The following CLSTN2 variants were observed in gnomAD, a reference collection of about 807,000 sequenced individuals.
CLSTN2 encodes calsyntenin 2.
A neutral mutation model predicts 101.2 loss-of-function variants in CLSTN2; 48 were observed. The observed-to-expected ratio is 0.47, with a 90% CI of 0.38 to 0.60. CLSTN2 has a LOEUF of 0.60. CLSTN2 is among the 20% of genes least tolerant of loss of function. The probability of loss-of-function intolerance (pLI) is 0.00; values close to 1 mark genes in which losing one functional copy is unlikely to be tolerated. For synonymous variants in CLSTN2, 481 were observed against 463.6 expected (o/e 1.04, Z -0.48); for missense variants, 1,160 against 1,238.2 (o/e 0.94, Z 0.95).
intron 1 of CLSTN2, among the ~76,000 whole-genome samples, chr3:140,122,444 T>A (rs2009358334): frequency 6.6e-6 from 1 of 152,224 alleles, no homozygotes; most frequent in East Asian, 1.9e-4. Context: ...TCACGTTAGC[T>A]AAATCATGGA....
At chr3:140,350,109 C>G (rs183493672) in intron 2 of CLSTN2, among the ~76,000 whole-genome samples, 1 of 152,246 alleles carries the variant, frequency 6.6e-6, no homozygotes, top group Admixed American at 6.5e-5. Context: ...CTGGCTTTGA[C>G]AGCCCACGTG....
At chr3:140,327,523 C>T (rs1382760751) in intron 2 of CLSTN2, among the ~76,000 whole-genome samples, 2 of 152,180 alleles carry the variant, frequency 1.3e-5, no homozygotes, top group Non-Finnish European at 2.9e-5. Flanking sequence ...TCATATCTCT[C>T]CTCAAACTTT....
At chr3:140,351,793 T>TTG (rs5852980) in intron 2 of CLSTN2, among the ~76,000 whole-genome samples, 97 of 47,500 alleles carry the variant, frequency 2.0e-3, no homozygotes, top group Non-Finnish European at 4.3e-3. Flanking sequence ...TTTTGTTTTG[T>TTG]TTTTTTTTTT....
At chr3:140,140,472 G>C (rs1229048031) in intron 1 of CLSTN2, among the ~76,000 whole-genome samples, 1 of 152,052 alleles carries the variant, frequency 6.6e-6, no homozygotes, top group African/African-American at 2.4e-5. Flanking sequence ...CTAACAGTGA[G>C]AACTCACTTG....
chr3:139,935,213 G>C lies in CLSTN2; in HGVS notation c.-162G>C, dbSNP rs1410523247. 2.9e-6 allele frequency: 1 copy of C among 344,588 alleles called. No homozygotes were observed. Among genetic ancestry groups the C allele is most frequent in the Admixed American group, 4.9e-5 (1 of 20,600 alleles). The allele number at this position is 344,588 out of a possible 1,614,324, so 21.3% of individuals were successfully genotyped here. A position where few individuals can be genotyped will look rare whatever the true frequency, so the allele number is the denominator to read the frequency against. On this transcript the variant is annotated 5_prime_UTR_variant, in exon 1 of 17. Coordinates refer to ENST00000458420, the MANE Select transcript of CLSTN2 (RefSeq NM_022131.3). The surrounding 1 kb of genome is among the most constrained non-coding windows in gnomAD (Gnocchi z 5.5). ...GAGCGCGGCTGCTGCCGGCGAGCTA[G>C]CGGCGCAGCGGCGGGAACCCGAGGC...
At chr3:140,407,468 T>A (rs1188146268) in intron 4 of CLSTN2, among the ~76,000 whole-genome samples, 1 of 152,086 alleles carries the variant, frequency 6.6e-6, no homozygotes, top group Admixed American at 6.5e-5. Flanking sequence ...TTTGAATTCC[T>A]CCCCATGAAA....
At chr3:139,970,781 C>CAAGTCAT (rs746628217) in intron 1 of CLSTN2, among the ~76,000 whole-genome samples, 35 of 152,166 alleles carry the variant, frequency 2.3e-4, no homozygotes, top group Admixed American at 3.3e-4. Context: ...GTAGCCTCCT[C>CAAGTCAT]AAGTCATAAG....
chr3:140,382,510 T>C (rs991307527), intron 2 of CLSTN2, among the ~76,000 whole-genome samples: 1 of 152,362 alleles, frequency 6.6e-6, no homozygotes, highest in Admixed American at 6.5e-5. Flanking sequence ...TTCAATTTCA[T>C]GGAAGTTGAT....
intron 2 of CLSTN2, among the ~76,000 whole-genome samples, chr3:140,376,020 T>C (rs2087913714): frequency 1.3e-5 from 2 of 152,134 alleles, no homozygotes; most frequent in South Asian, 2.1e-4. Context: ...TCATTAGAAA[T>C]GAAAAGTTAT....
chr3:140,213,266 TG>T (rs1245339966), intron 2 of CLSTN2, among the ~76,000 whole-genome samples: 3 of 152,168 alleles, frequency 2.0e-5, no homozygotes, highest in African/African-American at 7.2e-5. Context: ...TCGTTTGTGG[TG>T]TGTTTGCATG....
intron 1 of CLSTN2, among the ~76,000 whole-genome samples, chr3:140,037,502 T>G (rs1312562374): frequency 6.6e-6 from 1 of 152,096 alleles, no homozygotes; most frequent in East Asian, 1.9e-4. Context: ...TGTTATGTAG[T>G]TTTTTGTTTG....
intron 2 of CLSTN2, among the ~76,000 whole-genome samples, chr3:140,387,455 C>G (rs957908465): frequency 6.6e-6 from 1 of 152,160 alleles, no homozygotes; most frequent in African/African-American, 2.4e-5. Flanking sequence ...TTTCTGCTTC[C>G]ACAGGTTCCT....
intron 1 of CLSTN2, among the ~76,000 whole-genome samples, chr3:140,006,741 G>A (rs982437083): frequency 1.3e-5 from 2 of 152,078 alleles, no homozygotes; most frequent in Non-Finnish European, 2.9e-5. Context: ...TCCTCACTAC[G>A]ATTGAGAGTA....
chr3:140,434,090 T>A (rs993669921), intron 5 of CLSTN2, among the ~76,000 whole-genome samples: 2 of 152,162 alleles, frequency 1.3e-5, no homozygotes, highest in African/African-American at 4.8e-5. Flanking sequence ...CAAGCCATAC[T>A]TGGATTCTCA....
chr3:140,496,907 C>T lies in CLSTN2; in HGVS notation c.1344+30176C>T, dbSNP rs147718510. On this transcript the variant is annotated intron_variant, in intron 8 of 16. Transcript: ENST00000458420. ...CACCAGGTCAGGAGTTCGAGACTAGCCTGGCAAACATGGTGAAACCCTGTC... is the reference window on the plus strand; with the variant it reads ...CACCAGGTCAGGAGTTCGAGACTAGTCTGGCAAACATGGTGAAACCCTGTC... Among the ~76,000 whole-genome samples the T allele has an allele frequency of 2.1e-3, 314 of 152,160 alleles. 2 individuals are homozygous for T. The highest frequency in any genetic ancestry group is 3.4e-3 in the Middle Eastern group (1 of 294).
Position 140,402,660 on chromosome 3 carries a change from T to G in CLSTN2, c.233-969T>G, listed in dbSNP as rs192936427. Reference sequence around the variant, plus strand: ...AATGATGCACCGTAGGTACCTTGCTTGCCCCTCCTTGGCCTCAGCAGTGCA... The same window carrying G: ...AATGATGCACCGTAGGTACCTTGCTGGCCCCTCCTTGGCCTCAGCAGTGCA... On this transcript the variant is annotated intron_variant, in intron 2 of 16. Transcript: ENST00000458420. 1.6e-4 allele frequency among the ~76,000 whole-genome samples: 24 copies of G among 152,326 alleles called. No homozygotes were observed. In the East Asian group the frequency reaches 3.7e-3, roughly 23 times the overall value.
chr3:140,427,729 T>C lies in CLSTN2; in HGVS notation c.787+6455T>C, dbSNP rs571530534. 2.1e-4 allele frequency among the ~76,000 whole-genome samples: 32 copies of C among 152,256 alleles called. 1 individual carries two copies. In the South Asian group the frequency reaches 6.4e-3, roughly 31 times the overall value. ...GTATGCACCTGTCTCAACTTGAGTG[T>C]TTCTAAGCTTTCTCTATTTTCTTTT... On this transcript the variant is annotated intron_variant, in intron 5 of 16. Transcript: ENST00000458420.
chr3:140,385,443 G>T (rs190737311), intron 2 of CLSTN2, among the ~76,000 whole-genome samples: 2 of 141,298 alleles, frequency 1.4e-5, no homozygotes, highest in African/African-American at 5.4e-5. Context: ...ATCTCGACTC[G>T]CTGTAAACTC....
intron 4 of CLSTN2, among the ~76,000 whole-genome samples, chr3:140,417,261 C>T (rs2088442633): frequency 6.6e-6 from 1 of 152,050 alleles, no homozygotes; most frequent in Admixed American, 6.6e-5. Context: ...AACAACAATC[C>T]ATCTTATGCA....
Sources: gnomAD v4.1 joint callset for allele counts (sites outside exome capture counted in the v4.1 genomes callset) on GRCh38, gnomAD v4.1.1 for gene constraint, Gnocchi (gnomAD v3.1) non-coding constraint, MANE v1.5 for transcripts, NCBI Gene and HGNC (gene_info 2026-07-23, HGNC 2026-07-21) for gene names.